The following PDZRN4 variants were observed in gnomAD, a reference collection of about 807,000 sequenced individuals.
The protein encoded by PDZRN4 is PDZ domain-containing RING finger protein 4.
In PDZRN4, 70 loss-of-function variants were observed where a neutral mutation model predicts 99.0. The observed-to-expected ratio is 0.71, with a 90% CI of 0.58 to 0.86. PDZRN4 has a LOEUF of 0.86. Ranked by LOEUF, PDZRN4 falls within the 40% of genes least tolerant of loss-of-function variation. The probability of loss-of-function intolerance (pLI) is 0.00; values close to 1 mark genes in which losing one functional copy is unlikely to be tolerated. For synonymous variants in PDZRN4, 551 were observed against 501.6 expected (o/e 1.10, Z -1.32); for missense variants, 1,474 against 1,331.2 (o/e 1.11, Z -1.67).
At chr12:41,549,817 G>T (rs566309643) in intron 5 of PDZRN4, among the ~76,000 whole-genome samples, 1 of 152,246 alleles carries the variant, frequency 6.6e-6, no homozygotes, top group Admixed American at 6.5e-5. Context: ...TTTGTTAGGG[G>T]ACAAGCAAAA....
At chr12:41,500,559 G>A (rs923763985) in intron 3 of PDZRN4, among the ~76,000 whole-genome samples, 2 of 152,028 alleles carry the variant, frequency 1.3e-5, no homozygotes, top group Admixed American at 1.3e-4. Flanking sequence ...ACATATCAGT[G>A]ATTGTTTTGT....
chr12:41,567,735 A>G, intron 8 of PDZRN4, 48 bp from the exon 9 acceptor site: 3 of 1,230,116 alleles, frequency 2.4e-6, no homozygotes, highest in Non-Finnish European at 3.5e-6. Flanking sequence ...CTATTTTAAC[A>G]TGAGTTCTCA....
intron 3 of PDZRN4, among the ~76,000 whole-genome samples, chr12:41,230,289 C>T (rs1319085575): frequency 6.6e-6 from 1 of 151,956 alleles, no homozygotes; most frequent in Non-Finnish European, 1.5e-5. Context: ...ACTTATACAT[C>T]CATGATTGCC....
intron 3 of PDZRN4, among the ~76,000 whole-genome samples, chr12:41,283,097 T>TA (rs978238545): frequency 8.0e-5 from 12 of 150,776 alleles, no homozygotes; most frequent in Admixed American, 6.0e-4. Flanking sequence ...CTGTTTTTTT[T>TA]AAAAGATTAA....
At chr12:41,571,040 C>T (rs902325743) in intron 9 of PDZRN4, among the ~76,000 whole-genome samples, 56 of 152,008 alleles carry the variant, frequency 3.7e-4, no homozygotes, top group African/African-American at 1.3e-3. Context: ...TATCTTTTGT[C>T]ACCCGTTCTA....
intron 3 of PDZRN4, among the ~76,000 whole-genome samples, chr12:41,232,810 C>T (rs1366310843): frequency 6.6e-6 from 1 of 152,056 alleles, no homozygotes; most frequent in Non-Finnish European, 1.5e-5. Flanking sequence ...TTAGGTCTAA[C>T]ATTTAAGTCT....
intron 3 of PDZRN4, among the ~76,000 whole-genome samples, chr12:41,285,185 A>G (rs928329359): frequency 6.6e-6 from 1 of 152,200 alleles, no homozygotes; most frequent in Non-Finnish European, 1.5e-5. Context: ...ACCCCATCGA[A>G]AAACAGGCAA....
At chr12:41,494,668 A>G (rs893631833) in intron 3 of PDZRN4, among the ~76,000 whole-genome samples, 1 of 152,116 alleles carries the variant, frequency 6.6e-6, no homozygotes, top group African/African-American at 2.4e-5. Context: ...TTAATTTGAG[A>G]AAGTTAAGGG....
chr12:41,477,899 G>A (rs1173496760), intron 3 of PDZRN4: 2 of 1,551,658 alleles, frequency 1.3e-6, no homozygotes, highest in Admixed American at 1.9e-5. Context: ...CTTTGGCATT[G>A]TTGACATGTT....
intron 5 of PDZRN4, among the ~76,000 whole-genome samples, chr12:41,535,674 T>C (rs1938736829): frequency 6.6e-6 from 1 of 152,172 alleles, no homozygotes; most frequent in Non-Finnish European, 1.5e-5. Context: ...AATGCGTTAA[T>C]GCTCTTACCA....
At chr12:41,500,961 T>G (rs1247388721) in intron 3 of PDZRN4, among the ~76,000 whole-genome samples, 1 of 152,170 alleles carries the variant, frequency 6.6e-6, no homozygotes, top group Admixed American at 6.6e-5. Context: ...CTGCGTCACT[T>G]AGGGACTTCA....
chr12:41,559,237 G>A (rs1939223956), intron 7 of PDZRN4, among the ~76,000 whole-genome samples: 1 of 152,032 alleles, frequency 6.6e-6, no homozygotes, highest in African/African-American at 2.4e-5. Context: ...TTGTTATAGA[G>A]TAGGGATTGT....
At chr12:41,320,438 T>C (rs997569412) in intron 3 of PDZRN4, among the ~76,000 whole-genome samples, 3 of 152,234 alleles carry the variant, frequency 2.0e-5, no homozygotes, top group Non-Finnish European at 4.4e-5. Flanking sequence ...CCATCGGTTT[T>C]CTATCTTAAC....
intron 1 of PDZRN4, 128 bp downstream of exon 1, chr12:41,189,231 C>A: frequency 1.3e-6 from 1 of 789,406 alleles, no homozygotes; most frequent in Non-Finnish European, 2.0e-6. Flanking sequence ...GAAACATCCA[C>A]ACCCTGATCA....
At chr12:41,355,346 G>A (rs1290584482) in intron 3 of PDZRN4, among the ~76,000 whole-genome samples, 2 of 151,922 alleles carry the variant, frequency 1.3e-5, no homozygotes, top group African/African-American at 4.8e-5. Flanking sequence ...GTTAGGATGG[G>A]CCCTACCCTT....
intron 3 of PDZRN4, among the ~76,000 whole-genome samples, chr12:41,306,323 A>T (rs1486575787): frequency 6.6e-6 from 1 of 152,142 alleles, no homozygotes; most frequent in East Asian, 1.9e-4. Context: ...GTCTGTTGAA[A>T]CTGAGGTAGT....
At chr12:41,298,540 T>C (rs571493078) in intron 3 of PDZRN4, among the ~76,000 whole-genome samples, 1 of 152,290 alleles carries the variant, frequency 6.6e-6, no homozygotes, top group East Asian at 1.9e-4. Flanking sequence ...TTAAAAATGA[T>C]ATGCTTTCTG....
intron 5 of PDZRN4, among the ~76,000 whole-genome samples, chr12:41,512,945 A>G (rs760684675): frequency 1.4e-4 from 21 of 152,234 alleles, no homozygotes; most frequent in South Asian, 4.1e-4. Context: ...TCCACACTTT[A>G]AAAGAAATAG....
chr12:41,260,440 AAAAT>A (rs1313659237), intron 3 of PDZRN4, among the ~76,000 whole-genome samples: 1 of 152,162 alleles, frequency 6.6e-6, no homozygotes, highest in African/African-American at 2.4e-5. Flanking sequence ...TTTCGAAACT[AAAAT>A]AAACTAAGGG....
Sources: allele counts gnomAD v4.1 joint callset (sites outside exome capture counted in the v4.1 genomes callset), GRCh38; gene constraint gnomAD v4.1.1; transcripts MANE v1.5; gene names NCBI Gene and HGNC (gene_info 2026-07-23, HGNC 2026-07-21).